The following GLYR1 variants were observed in gnomAD, a reference collection of about 807,000 sequenced individuals.
GLYR1 encodes the protein cytokine-like nuclear factor N-PAC.
A neutral mutation model predicts 72.7 loss-of-function variants in GLYR1; 21 were observed. The ratio of observed to expected loss-of-function variants is 0.29; its 90% CI spans 0.20 to 0.42. GLYR1 has a LOEUF of 0.42. Among genes scored for constraint, GLYR1 ranks in the 10% least tolerant of loss-of-function variants. GLYR1 has a pLI of 1.00. For missense variants in GLYR1, 594 were observed against 712.1 expected (o/e 0.83, Z 1.89); for synonymous variants, 392 against 270.2 (o/e 1.45, Z -4.42).
rs149593060 is a variant in GLYR1 at position 4,805,578 on chromosome 16, C to T, written c.1588-268G>A. Among the ~76,000 whole-genome samples, 191 of 152,318 alleles carry T rather than the reference C, an allele frequency of 1.3e-3. 2 individuals are homozygous for T. Among genetic ancestry groups the T allele is most frequent in the African/African-American group, 4.4e-3 (182 of 41,572 alleles). On this transcript the variant is annotated intron_variant, in intron 15 of 15. Coordinates refer to ENST00000321919, the MANE Select transcript of GLYR1 (RefSeq NM_032569.4). Reference sequence around the variant, plus strand: ...GGGATATAAAACATTCAGCATTGGCCGGGCACTGCGGCTCATGCCTGTAAG... The same window carrying T: ...GGGATATAAAACATTCAGCATTGGCTGGGCACTGCGGCTCATGCCTGTAAG...
At position 4,822,955 on chromosome 16, in the gene GLYR1, A is replaced by G. The variant is rs753650607; in HGVS notation, c.625-24T>C. ...GGCTGAAACCAGAAAACAGTGAAAT[A>G]AAACCAGTTATCTGCCACCAAAGGT... On this transcript the variant is annotated intron_variant, in intron 6 of 15. Transcript: ENST00000321919. 4 of 1,608,274 alleles carry G rather than the reference A, an allele frequency of 2.5e-6. No individual in the cohort carries two copies. In the South Asian group the frequency reaches 4.4e-5, roughly 18 times the overall value.
rs879205443 is a variant in GLYR1 at position 4,823,768 on chromosome 16, C to A, written c.624+53G>T. 1.9e-4 allele frequency: 241 copies of A among 1,238,386 alleles called. 1 individual carries two copies. Among genetic ancestry groups the A allele is most frequent in the Non-Finnish European group, 2.6e-4 (227 of 857,660 alleles). The allele number at this position is 1,238,386 out of a possible 1,614,324, so 76.7% of individuals were successfully genotyped here. A position where few individuals can be genotyped will look rare whatever the true frequency, so the allele number is the denominator to read the frequency against. On this transcript the variant is annotated intron_variant, in intron 6 of 15. Coordinates refer to ENST00000321919, the MANE Select transcript of GLYR1 (RefSeq NM_032569.4). ...AAAAAAAAAAAAAAAAAGGATCACA[C>A]AGGAACCTCGCCCTAAGCCACAGCT...
At chr16:4,841,941 G>A (rs900666839) in intron 3 of GLYR1, among the ~76,000 whole-genome samples, 1 of 152,160 alleles carries the variant, frequency 6.6e-6, no homozygotes, top group African/African-American at 2.4e-5. Flanking sequence ...TTCCAGAGCT[G>A]GATTCAAATC....
chr16:4,824,498 CAAAAAAAAAA>C (rs142627380), intron 5 of GLYR1, among the ~76,000 whole-genome samples: 1 of 95,154 alleles, frequency 1.1e-5, no homozygotes, highest in African/African-American at 4.3e-5. Flanking sequence ...GACTCCATCT[CAAAAAAAAAA>C]AAAAAAAGAA....
At chr16:4,809,469 A>G (rs375357839) in intron 15 of GLYR1, among the ~76,000 whole-genome samples, 1 of 150,890 alleles carries the variant, frequency 6.6e-6, no homozygotes, top group Admixed American at 6.6e-5. Flanking sequence ...AAAATTAGCC[A>G]GGCATGGTGG....
intron 5 of GLYR1, among the ~76,000 whole-genome samples, chr16:4,826,963 G>A (rs1254041333): frequency 1.3e-5 from 2 of 152,338 alleles, no homozygotes; most frequent in Admixed American, 6.5e-5. Flanking sequence ...CTCCTCGTGT[G>A]AGTATGGGAT....
Position 4,813,746 on chromosome 16 carries a change from C to T in GLYR1, c.1110G>A (p.Glu370=), listed in dbSNP as rs1282266685. 3.1e-6 allele frequency: 5 copies of T among 1,603,354 alleles called. No individual in the cohort carries two copies. Among genetic ancestry groups the T allele is most frequent in the Non-Finnish European group, 4.3e-6 (5 of 1,174,902 alleles). The change falls in exon 12 of 16, where the codon GAG becomes GAA. Residue 370 remains glutamate (E), a synonymous_variant. Transcript: ENST00000321919. Reference sequence around the variant, plus strand: ...CAAGGAAGGCTGCTACCTGGGCCAGCTCAGTGACGGTGTCAGCGTCCACTG... The same window carrying T: ...CAAGGAAGGCTGCTACCTGGGCCAGTTCAGTGACGGTGTCAGCGTCCACTG... ...MSTVDADTVT[E]LAQVIVSRGG...
chr16:4,824,779 A>G (rs550498410), intron 5 of GLYR1, among the ~76,000 whole-genome samples: 2 of 152,176 alleles, frequency 1.3e-5, no homozygotes, highest in South Asian at 2.1e-4. Flanking sequence ...CAGTTTTAAC[A>G]CTGGTCTGGT....
chr16:4,843,891 A>T (rs936057303), intron 3 of GLYR1: 1 of 211,376 alleles, frequency 4.7e-6, no homozygotes, highest in Non-Finnish European at 9.7e-6. Context: ...GGGGCAGATG[A>T]CTTGAGGTCA....
chr16:4,838,303 G>T (rs11076849), intron 3 of GLYR1, among the ~76,000 whole-genome samples: 74,801 of 152,030 alleles, frequency 0.49, 18,684 homozygotes, highest in Admixed American at 0.56. Flanking sequence ...CAGCGAGACC[G>T]GTCCACCTTA....
intron 5 of GLYR1, 106 bp from the exon 6 acceptor site, chr16:4,824,013 G>T: frequency 1.3e-6 from 1 of 797,966 alleles, no homozygotes. Context: ...CCCAACCACT[G>T]TTCTGATGAC....
chr16:4,837,406 G>T (rs1012391103), intron 3 of GLYR1, among the ~76,000 whole-genome samples: 2 of 151,582 alleles, frequency 1.3e-5, no homozygotes, highest in African/African-American at 2.4e-5. Flanking sequence ...ACTCCAGCAT[G>T]GGCGACAGAG....
intron 3 of GLYR1, among the ~76,000 whole-genome samples, chr16:4,838,822 C>T (rs185818673): frequency 2.0e-5 from 3 of 152,178 alleles, no homozygotes; most frequent in Admixed American, 2.0e-4. Context: ...CTCCTGACCT[C>T]GTGATCCGCC....
At chr16:4,828,587 A>T (rs17832589) in intron 5 of GLYR1, among the ~76,000 whole-genome samples, 2 of 151,928 alleles carry the variant, frequency 1.3e-5, no homozygotes, top group Non-Finnish European at 2.9e-5. Flanking sequence ...TCGTGAGACG[A>T]GTTCCTGTAA....
At chr16:4,844,335 C>G (rs1188460913) in intron 3 of GLYR1, among the ~76,000 whole-genome samples, 1 of 151,468 alleles carries the variant, frequency 6.6e-6, no homozygotes, top group Non-Finnish European at 1.5e-5. Flanking sequence ...ATAACAATGT[C>G]AAAGCAAATC....
intron 5 of GLYR1, among the ~76,000 whole-genome samples, chr16:4,827,559 T>C (rs1186477313): frequency 6.6e-6 from 1 of 151,890 alleles, no homozygotes; most frequent in Non-Finnish European, 1.5e-5. Context: ...TGCGTTGTTT[T>C]ATTGTGCTTT....
chr16:4,846,732 C>T, intron 1 of GLYR1: 1 of 224,394 alleles, frequency 4.5e-6, no homozygotes, highest in Non-Finnish European at 9.0e-6. Context: ...AGGAGAAGTC[C>T]CCCCGCCGTT....
At chr16:4,844,963 C>G (rs2085884470) in intron 3 of GLYR1, 111 bp downstream of exon 3, 1 of 744,756 alleles carries the variant, frequency 1.3e-6, no homozygotes, top group African/African-American at 1.7e-5. Context: ...GCCAGTATTA[C>G]ACATTATAAG....
Position 4,847,283 on chromosome 16 carries a change from G to C in GLYR1, c.-18C>G, listed in dbSNP as rs770410027. The C allele has an allele frequency of 6.2e-7, 1 of 1,609,588 alleles. No individual in the cohort carries two copies. The highest frequency in any genetic ancestry group is 8.5e-7 in the Non-Finnish European group (1 of 1,178,814). On this transcript the variant is annotated 5_prime_UTR_variant, in exon 1 of 16. Coordinates refer to ENST00000321919, the MANE Select transcript of GLYR1 (RefSeq NM_032569.4). ...GCCGCCATCTTACCACCCAACCACC[G>C]CCGACGCACGGGCCGCCGGGAACAG...
Sources: gnomAD v4.1 joint callset for allele counts (sites outside exome capture counted in the v4.1 genomes callset) on GRCh38, gnomAD v4.1.1 for gene constraint, MANE v1.5 for transcripts, NCBI Gene and HGNC (gene_info 2026-07-23, HGNC 2026-07-21) for gene names.